The following NRG3 variants were observed in gnomAD, a reference collection of about 807,000 sequenced individuals.
The protein encoded by NRG3 is neuregulin 3, also known as pro-neuregulin-3, membrane-bound isoform.
A neutral mutation model predicts 66.9 loss-of-function variants in NRG3; 31 were observed. The observed-to-expected ratio is 0.46, with a 90% CI of 0.35 to 0.63. The LOEUF (loss-of-function observed/expected upper bound fraction) is 0.63. Among genes scored for constraint, NRG3 ranks in the 20% least tolerant of loss-of-function variants. The pLI is 0.00. For missense variants in NRG3, 910 were observed against 878.9 expected (o/e 1.04, Z -0.45); for synonymous variants, 393 against 359.4 (o/e 1.09, Z -1.06).
At chr10:82,643,369 T>C (rs866281147) in intron 2 of NRG3, among the ~76,000 whole-genome samples, 8 of 152,118 alleles carry the variant, frequency 5.3e-5, no homozygotes, top group Non-Finnish European at 1.0e-4. Flanking sequence ...ATTTAAGATG[T>C]GACTTGCTCC....
chr10:82,096,292 T>G (rs1232606561), intron 1 of NRG3, among the ~76,000 whole-genome samples: 1 of 152,030 alleles, frequency 6.6e-6, no homozygotes, highest in Non-Finnish European at 1.5e-5. Context: ...TGCGCCAACA[T>G]GGTGAAACCC....
intron 6 of NRG3, among the ~76,000 whole-genome samples, chr10:82,972,528 C>A (rs754463255): frequency 7.9e-5 from 12 of 152,116 alleles, no homozygotes; most frequent in Non-Finnish European, 1.8e-4. Context: ...CCATTTCTTA[C>A]TTCATAAGTC....
chr10:82,319,606 G>A (rs2081461520), intron 1 of NRG3, among the ~76,000 whole-genome samples: 1 of 152,180 alleles, frequency 6.6e-6, no homozygotes, highest in South Asian at 2.1e-4. Flanking sequence ...AGTGGTTTCA[G>A]AAACCTGCTG....
intron 3 of NRG3, among the ~76,000 whole-genome samples, chr10:82,797,740 G>A (rs1006868740): frequency 6.6e-6 from 1 of 152,122 alleles, no homozygotes; most frequent in African/African-American, 2.4e-5. Context: ...TCATCTGCTA[G>A]TGATGTTGTC....
intron 3 of NRG3, among the ~76,000 whole-genome samples, chr10:82,747,833 T>A (rs2058707612): frequency 6.6e-6 from 1 of 151,882 alleles, no homozygotes; most frequent in Non-Finnish European, 1.5e-5. Context: ...CTATTAGGTA[T>A]TTTTTAAAAA....
chr10:82,460,647 C>T (rs2091470036), intron 2 of NRG3, among the ~76,000 whole-genome samples: 1 of 152,098 alleles, frequency 6.6e-6, no homozygotes, highest in Non-Finnish European at 1.5e-5. Flanking sequence ...ACACGTGCAG[C>T]AGGGTTATGG....
At chr10:82,418,435 C>T (rs952680934) in intron 2 of NRG3, among the ~76,000 whole-genome samples, 1 of 147,698 alleles carries the variant, frequency 6.8e-6, no homozygotes. Flanking sequence ...AATGTTTATG[C>T]AAATTAACCA....
chr10:82,765,147 A>G (rs1483780420), intron 3 of NRG3, among the ~76,000 whole-genome samples: 1 of 152,178 alleles, frequency 6.6e-6, no homozygotes, highest in African/African-American at 2.4e-5. Context: ...CAGAACAAAA[A>G]CCAGTACCTA....
At chr10:82,426,816 A>G (rs2089479828) in intron 2 of NRG3, among the ~76,000 whole-genome samples, 2 of 151,368 alleles carry the variant, frequency 1.3e-5, no homozygotes, top group African/African-American at 2.4e-5. Flanking sequence ...GTAATTTTTA[A>G]TTTTCTTTTC....
chr10:82,235,094 T>G (rs1399757744), intron 1 of NRG3, among the ~76,000 whole-genome samples: 1 of 152,246 alleles, frequency 6.6e-6, no homozygotes, highest in Admixed American at 6.5e-5. Context: ...TCTATTAAAT[T>G]TGGGGAGCAA....
intron 3 of NRG3, among the ~76,000 whole-genome samples, chr10:82,777,158 GC>G (rs1393492715): frequency 6.6e-6 from 1 of 152,300 alleles, no homozygotes; most frequent in Middle Eastern, 3.4e-3. Context: ...CAGTGGTGTA[GC>G]CTTTGTGTAT....
chr10:82,634,819 A>G (rs1313874327), intron 2 of NRG3, among the ~76,000 whole-genome samples: 2 of 152,124 alleles, frequency 1.3e-5, no homozygotes, highest in Non-Finnish European at 2.9e-5. Flanking sequence ...GGTTGGATAG[A>G]GTGTTGGATT....
chr10:82,711,113 C>T (rs979753458), intron 2 of NRG3, among the ~76,000 whole-genome samples: 12 of 152,276 alleles, frequency 7.9e-5, no homozygotes, highest in Middle Eastern at 3.4e-3. Context: ...GGGTCTCACT[C>T]TGTCACCCAG....
chr10:82,526,816 A>G (rs527325085), intron 2 of NRG3, among the ~76,000 whole-genome samples: 1 of 152,218 alleles, frequency 6.6e-6, no homozygotes, highest in South Asian at 2.1e-4. Context: ...GAAGAATTGA[A>G]CAATAAAATA....
At chr10:82,730,147 T>A (rs1591339007) in intron 2 of NRG3, among the ~76,000 whole-genome samples, 1 of 138,146 alleles carries the variant, frequency 7.2e-6, no homozygotes, top group Non-Finnish European at 1.5e-5. Flanking sequence ...GCGCAGGGGG[T>A]CGATCTCGGC....
intron 2 of NRG3, among the ~76,000 whole-genome samples, chr10:82,365,742 C>A (rs2084478887): frequency 1.3e-5 from 2 of 151,594 alleles, no homozygotes; most frequent in Non-Finnish European, 2.9e-5. Flanking sequence ...ACCAACACAT[C>A]ATTTAGTTAT....
chr10:82,186,362 A>G lies in NRG3; in HGVS notation c.824-172377A>G, dbSNP rs544016491. 3.3e-3 allele frequency among the ~76,000 whole-genome samples: 500 copies of G among 152,272 alleles called. 2 individuals carry two copies. The highest frequency in any genetic ancestry group is 0.011 in the African/African-American group (477 of 41,574). On this transcript the variant is annotated intron_variant, in intron 1 of 8. Transcript: ENST00000372141. ...CCTTTGCTCATACTCAGTGCCTAGA[A>G]TCACCTAGGAAAGCCCCTTCCCATG...
At chr10:82,442,905 G>A (rs964954954) in intron 2 of NRG3, among the ~76,000 whole-genome samples, 3 of 145,836 alleles carry the variant, frequency 2.1e-5, no homozygotes, top group African/African-American at 7.6e-5. Flanking sequence ...GGTTTTTGGT[G>A]TTGTAGGCTG....
chr10:82,388,704 A>G (rs985358197), intron 2 of NRG3, among the ~76,000 whole-genome samples: 3 of 152,196 alleles, frequency 2.0e-5, no homozygotes, highest in Non-Finnish European at 4.4e-5. Flanking sequence ...CTAAATTGAT[A>G]GATATGTAAG....
Sources: gnomAD v4.1 joint callset for allele counts (sites outside exome capture counted in the v4.1 genomes callset) on GRCh38, gnomAD v4.1.1 for gene constraint, MANE v1.5 for transcripts, NCBI Gene and HGNC (gene_info 2026-07-23, HGNC 2026-07-21) for gene names.